The following EFHC1 variants were observed in gnomAD, a reference collection of about 807,000 sequenced individuals.
The protein encoded by EFHC1 is EF-hand domain containing 1.
Under a neutral mutation model 69.9 loss-of-function variants are expected in EFHC1, and 53 were observed. The observed-to-expected ratio is 0.76, with a 90% CI of 0.61 to 0.95. The LOEUF is 0.95. Ranked by LOEUF, EFHC1 falls within the 40% of genes least tolerant of loss-of-function variation. The pLI, the probability that EFHC1 is intolerant of heterozygous loss-of-function variation, is 0.00. For missense variants in EFHC1, 739 were observed against 798.7 expected, an observed-to-expected ratio of 0.93 and a Z score of 0.90; for synonymous variants, 256 against 278.4, an observed-to-expected ratio of 0.92 and a Z score of 0.80.
intron 1 of EFHC1, 67 bp downstream of exon 1, chr6:52,420,540 C>A: frequency 6.4e-7 from 1 of 1,564,202 alleles, no homozygotes; most frequent in South Asian, 1.1e-5. Flanking sequence ...TTTCCCCGCT[C>A]AGTGCACCTC....
chr6:52,428,171 A>G (rs1353741258), intron 2 of EFHC1: 1 of 152,170 alleles, frequency 6.6e-6, no homozygotes, highest in Non-Finnish European at 1.5e-5. Context: ...AGCTGATGTT[A>G]TCCCACTACT....
chr6:52,454,369 C>A, intron 5 of EFHC1, 82 bp downstream of exon 5: 1 of 1,564,562 alleles, frequency 6.4e-7, no homozygotes. Flanking sequence ...ATGCAAAATT[C>A]GTTTATACTT....
rs574870377 is a variant in EFHC1 at position 52,491,069 on chromosome 6, A to T, written c.1851+719A>T. On this transcript the variant is annotated intron_variant, in intron 10 of 10. Transcript: ENST00000371068. The stretch of plus-strand genomic sequence containing the variant: ...AACAGGTGTTCAGAATTTAAGAGTC[A>T]TTTAGGAAAGGGTTTGGTTTAGGGC... 7.2e-5 allele frequency: 11 copies of T among 152,386 alleles called. No homozygotes were observed. In the East Asian group the frequency reaches 1.9e-3, roughly 27 times the overall value. 9.4% of individuals were successfully genotyped at this position (152,386 alleles called of 1,614,324 possible).
intron 7 of EFHC1, among the ~76,000 whole-genome samples, chr6:52,470,669 T>C (rs1765417588): frequency 6.6e-6 from 1 of 152,218 alleles, no homozygotes; most frequent in South Asian, 2.1e-4. Flanking sequence ...CCCAGTATTC[T>C]TTTGATGAAG....
In EFHC1 at chr6:52,449,398, T is replaced by C. The variant is rs372025577; in HGVS notation, c.574-3290T>C. 5.5e-5 allele frequency among the ~76,000 whole-genome samples: 8 copies of C among 146,322 alleles called. No individual in the cohort carries two copies. The South Asian group carries it at 1.7e-3, about 31-fold the overall frequency. ...TCCATCTCAAAAAAAAAAAAAAAAATAGTACCAGCTCTTCTTTGTATATCT... is the reference window on the plus strand; with the variant it reads ...TCCATCTCAAAAAAAAAAAAAAAAACAGTACCAGCTCTTCTTTGTATATCT... On this transcript the variant is annotated intron_variant, in intron 3 of 10. Transcript: ENST00000371068.
At chr6:52,489,991 T>C (rs1581854122) in intron 9 of EFHC1, 149 bp from the exon 10 acceptor site, 2 of 749,370 alleles carry the variant, frequency 2.7e-6, no homozygotes, top group Admixed American at 4.5e-5. Flanking sequence ...GCTATCGGCC[T>C]GTGGGCAAGT....
At position 52,494,693 on chromosome 6, in the gene EFHC1, T is replaced by A. The variant is rs909988733; in HGVS notation, c.*2352T>A. ...AAGTAGTTTTTCCACACATACCCCC[T>A]CCTTCCCTTCCCACTCTGGTAGTCC... On this transcript the variant is annotated 3_prime_UTR_variant, in exon 11 of 11. Coordinates refer to ENST00000371068, the MANE Select transcript of EFHC1 (RefSeq NM_018100.4). 2 of 453,966 alleles carry A rather than the reference T, an allele frequency of 4.4e-6. No individual in the cohort carries two copies. Among genetic ancestry groups the A allele is most frequent in the South Asian group, 3.1e-5 (2 of 64,484 alleles). The allele number at this position is 453,966 out of a possible 1,614,324, so 28.1% of individuals were successfully genotyped here.
chr6:52,467,245 A>T (rs975663170), intron 6 of EFHC1, among the ~76,000 whole-genome samples: 2 of 148,968 alleles, frequency 1.3e-5, no homozygotes, highest in Admixed American at 6.8e-5. Context: ...GCAGTGGTGC[A>T]GTCTTGGCTC....
rs758741731 is a variant in EFHC1, at chr6:52,454,108, A to G, written c.737A>G (p.Tyr246Cys). 4 of 1,613,636 alleles carry G rather than the reference A, an allele frequency of 2.5e-6. No homozygotes were observed. Among genetic ancestry groups the G allele is most frequent in the East Asian group, 2.2e-5 (1 of 44,876 alleles). ...LTFDKQVLRF[Y>C]AIWDDTDSMY... ...GATTCTTCAAAGGTCCTTCGATTCT[A>G]TGCAATCTGGGATGATACAGACAGC... The change falls in exon 5 of 11, where the codon TAT becomes TGT. Residue 246 changes from tyrosine (Y) to cysteine (C), a missense_variant. By Grantham distance (194) the Tyr-to-Cys change is radical (BLOSUM62 -2). Coordinates refer to ENST00000371068, the MANE Select transcript of EFHC1 (RefSeq NM_018100.4).
chr6:52,463,808 C>G (rs1765229986), intron 5 of EFHC1, among the ~76,000 whole-genome samples: 1 of 152,212 alleles, frequency 6.6e-6, no homozygotes, highest in East Asian at 1.9e-4. Context: ...TGGGGAAGCT[C>G]AAAGGGAGGT....
chr6:52,452,850 G>A lies in EFHC1; in HGVS notation c.723+13G>A, dbSNP rs1166117413. On this transcript the variant is annotated intron_variant, in intron 4 of 10. Coordinates refer to ENST00000371068, the MANE Select transcript of EFHC1 (RefSeq NM_018100.4). ...CTTTGACAAACAGGTAAGTGACATAGGAACCACAATAGGCTTACTTATTTC... is the reference window on the plus strand; with the variant it reads ...CTTTGACAAACAGGTAAGTGACATAAGAACCACAATAGGCTTACTTATTTC... 27 of 1,613,882 alleles carry A rather than the reference G, an allele frequency of 1.7e-5. No individual in the cohort carries two copies. The highest frequency in any genetic ancestry group is 2.2e-5 in the Non-Finnish European group (26 of 1,180,022).
In EFHC1 at chr6:52,495,895, A is replaced by G. The variant is rs1400148843; in HGVS notation, c.*3554A>G. On this transcript the variant is annotated 3_prime_UTR_variant, in exon 11 of 11. Transcript: ENST00000371068. ...TATAAAAGAGATTTCATGAAAGACC[A>G]AAGCCAGCAGGCCATTTCTGTGGTG... 1 of 298,614 alleles carries G rather than the reference A, an allele frequency of 3.3e-6. No individual in the cohort carries two copies. The highest frequency in any genetic ancestry group is 6.5e-6 in the Non-Finnish European group (1 of 153,358). The allele number at this position is 298,614 out of a possible 1,614,324, so 18.5% of individuals were successfully genotyped here.
At position 52,454,284 on chromosome 6, in the gene EFHC1, G is replaced by A; in HGVS notation, c.913G>A (p.Ala305Thr). ...QRVPKVLVENAKNFPQCVLEI... is the reference protein window; with the variant it reads ...QRVPKVLVENTKNFPQCVLEI... ...TGTGCCCAAAGTTTTGGTGGAAAAT[G>A]CAAGTATGTTTGATTCAGTTTATTC... is the stretch of plus-strand genomic sequence containing the variant. The change falls in exon 5 of 11, where the codon GCA (alanine) becomes ACA (threonine). Residue 305 changes from alanine (A) to threonine (T), a missense_variant. Ala to Thr is a moderately conservative substitution (Grantham distance 58). Coordinates refer to ENST00000371068, the MANE Select transcript of EFHC1 (RefSeq NM_018100.4). 1 of 1,614,056 alleles carries A rather than the reference G, an allele frequency of 6.2e-7. No individual in the cohort carries two copies. Among genetic ancestry groups the A allele is most frequent in the Non-Finnish European group, 8.5e-7 (1 of 1,179,938 alleles).
intron 5 of EFHC1, among the ~76,000 whole-genome samples, chr6:52,462,322 GCTTA>G (rs553460985): frequency 1.3e-5 from 2 of 151,906 alleles, no homozygotes; most frequent in African/African-American, 4.8e-5. Context: ...AGCTTTAAAT[GCTTA>G]CTTAAGAAAG....
At chr6:52,475,074 A>G (rs1184811348) in intron 7 of EFHC1, among the ~76,000 whole-genome samples, 5 of 151,910 alleles carry the variant, frequency 3.3e-5, no homozygotes, top group South Asian at 4.2e-4. Flanking sequence ...AAGAAAGCCA[A>G]CAGAACTATT....
intron 6 of EFHC1, among the ~76,000 whole-genome samples, chr6:52,466,993 C>T (rs1317649618): frequency 6.6e-6 from 1 of 152,014 alleles, no homozygotes; most frequent in Non-Finnish European, 1.5e-5. Context: ...AAACTCTCTG[C>T]CCCCAAGTTT....
chr6:52,477,783 C>T lies in EFHC1; in HGVS notation c.1279-1254C>T, dbSNP rs539822601. Among the ~76,000 whole-genome samples the T allele has an allele frequency of 3.3e-5, 5 of 152,304 alleles. No individual in the cohort carries two copies. The South Asian group carries it at 1.0e-3, about 32-fold the overall frequency. On this transcript the variant is annotated intron_variant, in intron 7 of 10. Transcript: ENST00000371068. ...TTAAAAGGTCAGGAAACAACAGGTG[C>T]TGGAGAGGATGTGGAGAAATAGGAA...
At chr6:52,457,210 C>T (rs774135967) in intron 5 of EFHC1, among the ~76,000 whole-genome samples, 6 of 152,124 alleles carry the variant, frequency 3.9e-5, no homozygotes, top group Non-Finnish European at 7.3e-5. Flanking sequence ...ATAAAATACA[C>T]AAAGCTGTTA....
At chr6:52,454,316 A>G in intron 5 of EFHC1, 29 bp downstream of exon 5, 1 of 1,613,700 alleles carries the variant, frequency 6.2e-7, no homozygotes. Flanking sequence ...ATTCTCTGTT[A>G]CTTGGGATGT....
Sources: allele counts gnomAD v4.1 joint callset (sites outside exome capture counted in the v4.1 genomes callset), GRCh38; gene constraint gnomAD v4.1.1; transcripts MANE v1.5; gene names NCBI Gene and HGNC (gene_info 2026-07-23, HGNC 2026-07-21).